Variants in XRN2 observed in about 807,000 individuals in gnomAD.
XRN2 encodes 5'-3' exoribonuclease 2.
In XRN2, 44 loss-of-function variants were observed where a neutral mutation model predicts 138.5. The observed-to-expected ratio is 0.32, with a 90% CI of 0.25 to 0.41. XRN2 has a LOEUF of 0.41. Ranked by LOEUF, XRN2 falls within the 10% of genes least tolerant of loss-of-function variation. The probability of loss-of-function intolerance (pLI) is 1.00; values close to 1 mark genes in which losing one functional copy is unlikely to be tolerated. For missense variants in XRN2, 937 were observed against 1,169.3 expected, an observed-to-expected ratio of 0.80 and a Z score of 2.90; for synonymous variants, 354 against 369.4, an observed-to-expected ratio of 0.96 and a Z score of 0.48.
At chr20:21,375,700 CT>C (rs2122340579) in intron 27 of XRN2, among the ~76,000 whole-genome samples, 1 of 151,888 alleles carries the variant, frequency 6.6e-6, no homozygotes, top group South Asian at 2.1e-4. Flanking sequence ...AATTTCTAGA[CT>C]TTTGGTCAGT....
chr20:21,304,801 C>G (rs1350608108), intron 1 of XRN2, among the ~76,000 whole-genome samples: 1 of 152,156 alleles, frequency 6.6e-6, no homozygotes, highest in East Asian at 1.9e-4. Flanking sequence ...TGACTCAATG[C>G]TTTCTAAGGT....
At position 21,303,341 on chromosome 20, in the gene XRN2, C is replaced by G; in HGVS notation, c.-58C>G. On this transcript the variant is annotated 5_prime_UTR_variant, in exon 1 of 30. Transcript: ENST00000377191. Reference sequence around the variant, plus strand: ...GTGCTGGTGCCCTCTGCCGCTGCTCCCGTCTCTTTGGTTACGCTCGTCAGC... The same window carrying G: ...GTGCTGGTGCCCTCTGCCGCTGCTCGCGTCTCTTTGGTTACGCTCGTCAGC... The G allele has an allele frequency of 1.3e-6, 2 of 1,534,276 alleles. No individual in the cohort carries two copies. The highest frequency in any genetic ancestry group is 1.8e-6 in the Non-Finnish European group (2 of 1,139,014).
intron 13 of XRN2, among the ~76,000 whole-genome samples, chr20:21,338,059 A>T (rs2038319626): frequency 6.6e-6 from 1 of 152,170 alleles, no homozygotes; most frequent in South Asian, 2.1e-4. Flanking sequence ...CAGGAGACTT[A>T]TGTATCCGGC....
chr20:21,304,441 A>G (rs1403815475), intron 1 of XRN2, among the ~76,000 whole-genome samples: 1 of 151,858 alleles, frequency 6.6e-6, no homozygotes, highest in Non-Finnish European at 1.5e-5. Flanking sequence ...TGTTTTTTTC[A>G]AAAAGCAACT....
intron 1 of XRN2, among the ~76,000 whole-genome samples, chr20:21,323,293 T>C (rs754199120): frequency 2.4e-4 from 36 of 152,240 alleles, no homozygotes; most frequent in Admixed American, 3.9e-4. Context: ...TACAGTAGAT[T>C]TGTTTGTTTG....
At chr20:21,382,275 C>CT (rs1020635679) in intron 28 of XRN2, among the ~76,000 whole-genome samples, 4 of 152,112 alleles carry the variant, frequency 2.6e-5, no homozygotes, top group Admixed American at 2.0e-4. Context: ...GGTTCTTGGC[C>CT]TTTATTTTAT....
chr20:21,341,059 G>A (rs1368089220), intron 15 of XRN2, among the ~76,000 whole-genome samples: 1 of 149,262 alleles, frequency 6.7e-6, no homozygotes, highest in Non-Finnish European at 1.5e-5. Context: ...GAGCACGTAG[G>A]ATTGTTGATA....
chr20:21,324,868 G>A (rs1410571395), intron 1 of XRN2, among the ~76,000 whole-genome samples: 6 of 152,174 alleles, frequency 3.9e-5, no homozygotes, highest in African/African-American at 4.8e-5. Flanking sequence ...TGCTGAAAGT[G>A]TATGATTCAG....
intron 26 of XRN2, 101 bp from the exon 27 acceptor site, chr20:21,368,362 G>T (rs2038725689): frequency 1.4e-6 from 2 of 1,424,530 alleles, no homozygotes; most frequent in African/African-American, 2.9e-5. Flanking sequence ...AGATCTGTTA[G>T]TGAAGACGTG....
chr20:21,327,528 A>G (rs1244406706), intron 3 of XRN2, among the ~76,000 whole-genome samples: 3 of 152,204 alleles, frequency 2.0e-5, no homozygotes, highest in Non-Finnish European at 4.4e-5. Flanking sequence ...GCTAAGTTGC[A>G]GTTAGAATGG....
At chr20:21,303,573 C>G in intron 1 of XRN2, 100 bp downstream of exon 1, 1 of 1,400,214 alleles carries the variant, frequency 7.1e-7, no homozygotes, top group Non-Finnish European at 9.2e-7. Context: ...GGAGCCTTGC[C>G]GGAGCTCGCG....
chr20:21,348,427 T>C lies in XRN2; in HGVS notation c.1860T>C (p.Asp620=). 1 of 1,613,716 alleles carries C rather than the reference T, an allele frequency of 6.2e-7. No homozygotes were observed. Among genetic ancestry groups the C allele is most frequent in the Non-Finnish European group, 8.5e-7 (1 of 1,179,780 alleles). ...CATCATGGCGGAAGCTCATGAGTGA[T>C]CCTGTGAGTCTCAGTATTTTGAGTG... is the stretch of plus-strand genomic sequence containing the variant. ...LPPSWRKLMS[D]PDSSIIDFYP... is the part of the protein sequence containing the mutation. Residue 620 remains aspartate (D), a synonymous_variant, in exon 19 of 30, where the codon GAT becomes GAC. Coordinates refer to ENST00000377191, the MANE Select transcript of XRN2 (RefSeq NM_012255.5).
rs1389432821 is a variant in XRN2, at chr20:21,306,774, C to T, written c.75+3301C>T. On this transcript the variant is annotated intron_variant, in intron 1 of 29. Coordinates refer to ENST00000377191, the MANE Select transcript of XRN2 (RefSeq NM_012255.5). ...ACTGTAATCCCAGCACTTTGGGAGG[C>T]TGAGGTGGGTGGATCACGAGGTCAA... Among the ~76,000 whole-genome samples, 6 of 75,422 alleles carry T rather than the reference C, an allele frequency of 8.0e-5. 2 individuals carry two copies. The highest frequency in any genetic ancestry group is 2.2e-4 in the African/African-American group (6 of 27,554). The allele number at this position is 75,422 out of a possible 152,430, so 49.5% of individuals were successfully genotyped here. A position where few individuals can be genotyped will look rare whatever the true frequency, so the allele number is the denominator to read the frequency against.
chr20:21,336,583 A>AT (rs2038297394), intron 13 of XRN2, among the ~76,000 whole-genome samples: 1 of 152,244 alleles, frequency 6.6e-6, no homozygotes, highest in Non-Finnish European at 1.5e-5. Context: ...TTAAGCAAAT[A>AT]TTTAAGTATT....
intron 13 of XRN2, 139 bp downstream of exon 13, chr20:21,334,324 A>G: frequency 1.4e-6 from 1 of 695,230 alleles, no homozygotes; most frequent in South Asian, 1.9e-5. Flanking sequence ...ATGAGTGGTC[A>G]GTGCTTTGAT....
chr20:21,335,820 T>C (rs529167416), intron 13 of XRN2, among the ~76,000 whole-genome samples: 2 of 152,304 alleles, frequency 1.3e-5, no homozygotes, highest in South Asian at 2.1e-4. Context: ...GTAGACACCA[T>C]AGTGTTACAG....
At position 21,326,556 on chromosome 20, in the gene XRN2, T is replaced by C. The variant is rs781289560; in HGVS notation, c.270T>C (p.Ser90=). 1 of 1,613,952 alleles carries C rather than the reference T, an allele frequency of 6.2e-7. No individual in the cohort carries two copies. Among genetic ancestry groups the C allele is most frequent in the East Asian group, 2.2e-5 (1 of 44,860 alleles). The change falls in exon 3 of 30, where the codon AGT becomes AGC. Residue 90 remains serine, a synonymous_variant. Coordinates refer to ENST00000377191, the MANE Select transcript of XRN2 (RefSeq NM_012255.5). The stretch of plus-strand genomic sequence containing the variant: ...TTGAGTACATTGACAGACTTTTCAG[T>C]ATTGTAAGACCAAGAAGACTTCTCT... ...AIFEYIDRLF[S]IVRPRRLLYM...
intron 1 of XRN2, among the ~76,000 whole-genome samples, chr20:21,304,071 CTGTGTGCCCTGACTACTGAACGGGGTGGG>C (rs1198393537): frequency 1.3e-4 from 20 of 152,310 alleles, no homozygotes; most frequent in Non-Finnish European, 2.5e-4. Flanking sequence ...TTACCCTTCT[CTGTGTGCCCTGACTACTGAACGGGGTGGG>C]TGCTTGTTGA....
intron 1 of XRN2, among the ~76,000 whole-genome samples, chr20:21,310,437 C>T (rs1334136849): frequency 6.6e-6 from 1 of 152,098 alleles, no homozygotes. Flanking sequence ...TCTGTTTCTC[C>T]TTTCAGTTCT....
Sources: gnomAD v4.1 joint callset for allele counts (sites outside exome capture counted in the v4.1 genomes callset) on GRCh38, gnomAD v4.1.1 for gene constraint, MANE v1.5 for transcripts, NCBI Gene and HGNC (gene_info 2026-07-23, HGNC 2026-07-21) for gene names.